ADCY9: variants seen among roughly 807,000 people sequenced by gnomAD.
ADCY9 encodes the protein adenylate cyclase type 9.
A neutral mutation model predicts 101.5 loss-of-function variants in ADCY9; 50 were observed. That is an observed-to-expected ratio of 0.49 (90% CI 0.39 to 0.62). The LOEUF is 0.62. Ranked by LOEUF, ADCY9 falls within the 20% of genes least tolerant of loss-of-function variation. ADCY9 has a pLI of 0.00. For missense variants in ADCY9, 1,662 were observed against 1,800.4 expected, an observed-to-expected ratio of 0.92 and a Z score of 1.39; for synonymous variants, 905 against 769.3, an observed-to-expected ratio of 1.18 and a Z score of -2.92.
At position 4,070,616 on chromosome 16, in the gene ADCY9, G is replaced by A. The variant is rs139768721; in HGVS notation, c.1693+43134C>T. 4.4e-3 allele frequency among the ~76,000 whole-genome samples: 673 copies of A among 152,180 alleles called. 9 individuals are homozygous for A. Among genetic ancestry groups the A allele is most frequent in the African/African-American group, 0.015 (625 of 41,512 alleles). Reference sequence around the variant, plus strand: ...GGATCGCTTGAGTCCAGGAGTTCAAGTCCAGCCTGGGCAACATAGAGAGAT... The same window carrying A: ...GGATCGCTTGAGTCCAGGAGTTCAAATCCAGCCTGGGCAACATAGAGAGAT... On this transcript the variant is annotated intron_variant, in intron 2 of 10. Transcript: ENST00000294016.
chr16:3,997,363 C>T (rs867710712), intron 3 of ADCY9, among the ~76,000 whole-genome samples: 7 of 152,234 alleles, frequency 4.6e-5, no homozygotes, highest in South Asian at 2.1e-4. Flanking sequence ...GCTGGAAGGC[C>T]GGTGCAGCCC....
intron 2 of ADCY9, among the ~76,000 whole-genome samples, chr16:4,097,559 T>TATATATATATATATACA (rs1567147101): frequency 1.1e-5 from 1 of 88,784 alleles, no homozygotes; most frequent in African/African-American, 6.3e-5. Flanking sequence ...ATATATTTTT[T>TATATATATATATATACA]TTTTTTTTTT....
chr16:4,116,399 T>C lies in ADCY9; in HGVS notation c.-753A>G, dbSNP rs1195784942. The stretch of plus-strand genomic sequence containing the variant: ...GGCCGCTGCCTCATGTCGGAAGAGC[T>C]GCCGCCGCCACCATCTCCGGCCCCT... On this transcript the variant is annotated 5_prime_UTR_variant, in exon 1 of 11. Coordinates refer to ENST00000294016, the MANE Select transcript of ADCY9 (RefSeq NM_001116.4). 1.4e-5 allele frequency among the ~76,000 whole-genome samples: 2 copies of C among 145,030 alleles called. No homozygotes were observed. Among genetic ancestry groups the C allele is most frequent in the Non-Finnish European group, 3.1e-5 (2 of 65,486 alleles).
intron 2 of ADCY9, among the ~76,000 whole-genome samples, chr16:4,039,312 T>C (rs991936052): frequency 1.3e-5 from 2 of 152,174 alleles, no homozygotes; most frequent in South Asian, 2.1e-4. Context: ...TTCCTTGCCA[T>C]TTTAGGTGTT....
intron 2 of ADCY9, among the ~76,000 whole-genome samples, chr16:4,059,734 C>T (rs183854261): frequency 3.3e-5 from 5 of 152,072 alleles, no homozygotes; most frequent in East Asian, 1.9e-4. Flanking sequence ...CCCGTCTCAA[C>T]GAAAAACAAA....
At chr16:3,993,284 C>A (rs1441735982) in intron 4 of ADCY9, 122 bp downstream of exon 4, 4 of 1,484,416 alleles carry the variant, frequency 2.7e-6, no homozygotes, top group Admixed American at 4.3e-5. Context: ...CCCGCGGGTG[C>A]GGAGTGCTGT....
chr16:3,997,875 C>T (rs2056299806), intron 3 of ADCY9, among the ~76,000 whole-genome samples: 1 of 151,740 alleles, frequency 6.6e-6, no homozygotes, highest in Admixed American at 6.6e-5. Flanking sequence ...GGGTGGATCA[C>T]CTGAGGTCAG....
intron 2 of ADCY9, among the ~76,000 whole-genome samples, chr16:4,039,768 G>T (rs141765190): frequency 6.6e-6 from 1 of 151,948 alleles, no homozygotes; most frequent in African/African-American, 2.4e-5. Context: ...GTCAGGTGCA[G>T]GGACTCACGC....
chr16:4,092,499 T>C (rs1439058363), intron 2 of ADCY9, among the ~76,000 whole-genome samples: 1 of 152,242 alleles, frequency 6.6e-6, no homozygotes, highest in African/African-American at 2.4e-5. Flanking sequence ...AATTGTTCAT[T>C]AATTCTAATT....
intron 9 of ADCY9, among the ~76,000 whole-genome samples, chr16:3,976,093 C>T (rs1160791153): frequency 1.3e-5 from 2 of 151,852 alleles, no homozygotes; most frequent in African/African-American, 2.4e-5. Flanking sequence ...CCAGGGTCAA[C>T]CAATTCTCCT....
chr16:4,001,260 C>A (rs2531971), intron 3 of ADCY9, among the ~76,000 whole-genome samples: 68,609 of 151,822 alleles, frequency 0.45, 15,764 homozygotes, highest in South Asian at 0.53. Context: ...CCTGCTCACC[C>A]CCAGCCTATG....
At chr16:3,990,102 G>A (rs903308855) in intron 5 of ADCY9, among the ~76,000 whole-genome samples, 9 of 152,094 alleles carry the variant, frequency 5.9e-5, no homozygotes, top group African/African-American at 1.9e-4. Context: ...CTAAGGGAAC[G>A]TTAACATGAT....
chr16:3,956,275 T>C (rs1283163481), intron 5 of ADCY9, among the ~76,000 whole-genome samples: 1 of 152,068 alleles, frequency 6.6e-6, no homozygotes, highest in Non-Finnish European at 1.5e-5. Flanking sequence ...TAATTCAAGT[T>C]AAATGGGCAA....
intron 2 of ADCY9, among the ~76,000 whole-genome samples, chr16:4,019,235 G>T (rs981864253): frequency 1.3e-5 from 2 of 152,188 alleles, no homozygotes; most frequent in East Asian, 3.9e-4. Context: ...TCCGGCCTCA[G>T]CCTGCCAAAG....
chr16:4,092,219 G>T (rs1208023162), intron 2 of ADCY9, among the ~76,000 whole-genome samples: 1 of 152,202 alleles, frequency 6.6e-6, no homozygotes, highest in Non-Finnish European at 1.5e-5. Flanking sequence ...GCAGTGAGCT[G>T]AGATCGTGCC....
intron 2 of ADCY9, among the ~76,000 whole-genome samples, chr16:4,097,546 TA>T (rs1187685929): frequency 7.1e-4 from 36 of 50,784 alleles, no homozygotes; most frequent in East Asian, 2.1e-3. Flanking sequence ...TATATATATA[TA>T]TATATATTTT....
intron 2 of ADCY9, chr16:4,054,049 A>G (rs1193961317): frequency 6.6e-6 from 1 of 150,834 alleles, no homozygotes; most frequent in African/African-American, 2.4e-5. Flanking sequence ...GACACGCTAC[A>G]TATTTTTCTA....
At chr16:3,985,166 G>A (rs2056180775) in intron 6 of ADCY9, among the ~76,000 whole-genome samples, 1 of 144,434 alleles carries the variant, frequency 6.9e-6, no homozygotes, top group Non-Finnish European at 1.5e-5. Flanking sequence ...TTTTTGAGAT[G>A]GGATCTGGCT....
intron 2 of ADCY9, among the ~76,000 whole-genome samples, chr16:4,098,917 G>T (rs2141197532): frequency 6.6e-6 from 1 of 151,848 alleles, no homozygotes; most frequent in African/African-American, 2.4e-5. Context: ...TTATTGTTTT[G>T]GTTTTGTTTT....
Sources: allele counts gnomAD v4.1 joint callset (sites outside exome capture counted in the v4.1 genomes callset), GRCh38; gene constraint gnomAD v4.1.1; transcripts MANE v1.5; gene names NCBI Gene and HGNC (gene_info 2026-07-23, HGNC 2026-07-21).